Variants in ADAD1 observed in about 807,000 individuals in gnomAD.
ADAD1 encodes adenosine deaminase domain-containing protein 1.
A neutral mutation model predicts 66.8 loss-of-function variants in ADAD1; 46 were observed. The observed-to-expected ratio is 0.69, with a 90% CI of 0.54 to 0.88. ADAD1 has a LOEUF of 0.88. Ranked by LOEUF, ADAD1 falls within the 40% of genes least tolerant of loss-of-function variation. The probability of loss-of-function intolerance (pLI) is 0.00; values close to 1 mark genes in which losing one functional copy is unlikely to be tolerated. For missense variants in ADAD1, 617 were observed against 681.8 expected (o/e 0.91, Z 1.06); for synonymous variants, 248 against 229.4 (o/e 1.08, Z -0.73).
intron 7 of ADAD1, among the ~76,000 whole-genome samples, chr4:122,403,955 G>A (rs1310166517): frequency 1.3e-5 from 2 of 152,068 alleles, no homozygotes; most frequent in South Asian, 2.1e-4. Context: ...GGAAGTTGGG[G>A]AAAGCCAGCA....
In ADAD1 at chr4:122,407,897, T is replaced by A; in HGVS notation, c.725-11T>A. 1 of 1,611,810 alleles carries A rather than the reference T, an allele frequency of 6.2e-7. No homozygotes were observed. Among genetic ancestry groups the A allele is most frequent in the South Asian group, 1.1e-5 (1 of 90,674 alleles). Reference sequence around the variant, plus strand: ...TAAATTAACCTGCTACTGTCTACCTTTTTCTTTCAGCTGGACAACATGAGG... The same window carrying A: ...TAAATTAACCTGCTACTGTCTACCTATTTCTTTCAGCTGGACAACATGAGG... On this transcript the variant is annotated splice_polypyrimidine_tract_variant and intron_variant, in intron 7 of 12. Transcript: ENST00000296513.
intron 7 of ADAD1, among the ~76,000 whole-genome samples, chr4:122,399,800 C>G (rs1795888969): frequency 6.9e-6 from 1 of 143,950 alleles, no homozygotes; most frequent in Admixed American, 7.1e-5. Flanking sequence ...TGATTCTCAG[C>G]TTGGTCACTG....
Position 122,411,127 on chromosome 4 carries a change from C to A in ADAD1, c.849-95C>A, listed in dbSNP as rs1796446382. On this transcript the variant is annotated intron_variant, in intron 8 of 12. Transcript: ENST00000296513. ...TACCTGTGTCAAAACTTTTAACATG[C>A]AGGACATTGCTTCTGACACATGTGG... The A allele has an allele frequency of 5.2e-6, 5 of 958,206 alleles. No homozygotes were observed. In the East Asian group the frequency reaches 1.2e-4, roughly 22 times the overall value. 59.4% of individuals were successfully genotyped at this position (958,206 alleles called of 1,614,324 possible).
chr4:122,395,408 C>T (rs114442496), intron 6 of ADAD1, among the ~76,000 whole-genome samples: 3,477 of 152,144 alleles, frequency 0.023, 58 homozygotes, highest in Middle Eastern at 0.058. Context: ...TGAGGCCGGG[C>T]GCGGTGGCTC....
chr4:122,398,144 CT>C (rs575905863), intron 7 of ADAD1, among the ~76,000 whole-genome samples: 128 of 151,990 alleles, frequency 8.4e-4, no homozygotes, highest in Middle Eastern at 3.4e-3. Context: ...CTCATCCCCC[CT>C]GCTACCCTTC....
chr4:122,429,135 AAAAG>A (rs201963358), intron 12 of ADAD1, among the ~76,000 whole-genome samples: 9 of 147,698 alleles, frequency 6.1e-5, no homozygotes, highest in African/African-American at 2.4e-4. Context: ...TTAAAAAAAA[AAAAG>A]AACAAGAAGA....
chr4:122,391,353 G>T (rs898955838), intron 5 of ADAD1, among the ~76,000 whole-genome samples: 15 of 152,204 alleles, frequency 9.9e-5, no homozygotes, highest in Admixed American at 9.8e-4. Flanking sequence ...GTGGCACGGG[G>T]AGCAGGACCC....
At chr4:122,409,143 G>A (rs1018807081) in intron 8 of ADAD1, among the ~76,000 whole-genome samples, 4 of 152,130 alleles carry the variant, frequency 2.6e-5, no homozygotes, top group African/African-American at 9.7e-5. Flanking sequence ...GAGAGAGGGA[G>A]AAAAGGGCTT....
intron 11 of ADAD1, among the ~76,000 whole-genome samples, chr4:122,417,734 A>G (rs1023411316): frequency 1.3e-5 from 2 of 152,234 alleles, no homozygotes; most frequent in African/African-American, 2.4e-5. Flanking sequence ...GAACACTAAC[A>G]AAAAGCTGAC....
chr4:122,421,806 T>C (rs1410252238), intron 12 of ADAD1, among the ~76,000 whole-genome samples: 3 of 152,062 alleles, frequency 2.0e-5, no homozygotes, highest in Non-Finnish European at 4.4e-5. Context: ...AATTTCAGCA[T>C]CTTGATTTGA....
intron 8 of ADAD1, 37 bp downstream of exon 8, chr4:122,408,068 A>G (rs779526572): frequency 3.8e-6 from 6 of 1,582,086 alleles, no homozygotes; most frequent in Non-Finnish European, 4.3e-6. Context: ...TTAAATATGA[A>G]TGCCCTCAGC....
intron 5 of ADAD1, among the ~76,000 whole-genome samples, chr4:122,392,567 A>G (rs1216753093): frequency 6.6e-6 from 1 of 152,120 alleles, no homozygotes; most frequent in Non-Finnish European, 1.5e-5. Context: ...GGGTGGAGGG[A>G]GGTGGGGGTA....
At position 122,397,296 on chromosome 4, in the gene ADAD1, A is replaced by G. The variant is rs940305398; in HGVS notation, c.724+919A>G. On this transcript the variant is annotated intron_variant, in intron 7 of 12. Transcript: ENST00000296513. ...AGATCAGTTAAAGCTGTAATTTCAA[A>G]CAGTGATAGACCATGGGCTGTAATT... is the stretch of plus-strand genomic sequence containing the variant. 4.6e-5 allele frequency among the ~76,000 whole-genome samples: 7 copies of G among 152,346 alleles called. No homozygotes were observed. The East Asian group carries it at 1.2e-3, about 25-fold the overall frequency.
At chr4:122,399,740 C>CTTTTTTTTTT (rs145100591) in intron 7 of ADAD1, among the ~76,000 whole-genome samples, 1 of 110,512 alleles carries the variant, frequency 9.0e-6, no homozygotes, top group Non-Finnish European at 1.9e-5. Context: ...ATTTTCTTTT[C>CTTTTTTTTTT]TTTTTTTTTT....
At chr4:122,409,592 C>T (rs1796378919) in intron 8 of ADAD1, among the ~76,000 whole-genome samples, 2 of 152,064 alleles carry the variant, frequency 1.3e-5, no homozygotes, top group South Asian at 4.1e-4. Context: ...TATTGTCATC[C>T]TGTTGTGCCA....
chr4:122,388,787 A>G (rs1041848003), intron 5 of ADAD1, among the ~76,000 whole-genome samples: 3 of 151,628 alleles, frequency 2.0e-5, no homozygotes, highest in Non-Finnish European at 2.9e-5. Context: ...CTAGCAGTCT[A>G]TTTTGTTAAT....
chr4:122,419,924 TATC>T (rs1318930997), intron 11 of ADAD1, among the ~76,000 whole-genome samples: 3 of 152,222 alleles, frequency 2.0e-5, no homozygotes, highest in Non-Finnish European at 4.4e-5. Flanking sequence ...CAAAAAATAT[TATC>T]ATGATTGATA....
At chr4:122,424,337 G>A (rs754806076) in intron 12 of ADAD1, among the ~76,000 whole-genome samples, 26 of 152,120 alleles carry the variant, frequency 1.7e-4, no homozygotes, top group Admixed American at 2.6e-4. Context: ...GTATGTGTGC[G>A]TGCATGTCTA....
chr4:122,429,613 C>G lies in ADAD1; in HGVS notation c.1618-13C>G. On this transcript the variant is annotated splice_polypyrimidine_tract_variant and intron_variant, in intron 12 of 12. Transcript: ENST00000296513. ...GCCTATTTTCTATAATTCATTTTTT[C>G]TTTCTTCTCTAGTGTATGTCTGCCT... The G allele has an allele frequency of 6.4e-7, 1 of 1,552,234 alleles. No homozygotes were observed. Among genetic ancestry groups the G allele is most frequent in the Non-Finnish European group, 8.9e-7 (1 of 1,127,148 alleles).
Sources: gnomAD v4.1 joint callset for allele counts (sites outside exome capture counted in the v4.1 genomes callset) on GRCh38, gnomAD v4.1.1 for gene constraint, MANE v1.5 for transcripts, NCBI Gene and HGNC (gene_info 2026-07-23, HGNC 2026-07-21) for gene names.